The following FHL5 variants were observed in gnomAD, a reference collection of about 807,000 sequenced individuals.
FHL5 encodes four and a half LIM domains 5.
In FHL5, 33 loss-of-function variants were observed where a neutral mutation model predicts 32.0. The observed-to-expected ratio is 1.03, with a 90% CI of 0.78 to 1.38. The LOEUF (loss-of-function observed/expected upper bound fraction) is 1.38, where lower values mean the gene tolerates loss of function less well. Ranked by LOEUF, FHL5 falls within the 40% of genes most tolerant of loss-of-function variation. FHL5 has a pLI of 0.00. For synonymous variants in FHL5, 114 were observed against 113.6 expected, an observed-to-expected ratio of 1.00 and a Z score of -0.02; for missense variants, 336 against 343.9, an observed-to-expected ratio of 0.98 and a Z score of 0.18.
chr6:96,614,083 T>C (rs554586166), intron 5 of FHL5, among the ~76,000 whole-genome samples: 1 of 152,330 alleles, frequency 6.6e-6, no homozygotes, highest in African/African-American at 2.4e-5. Flanking sequence ...TTTACATACA[T>C]CTCACATGTT....
chr6:96,607,203 C>T (rs190962268), intron 4 of FHL5, among the ~76,000 whole-genome samples: 4 of 150,674 alleles, frequency 2.7e-5, no homozygotes, highest in South Asian at 4.2e-4. Context: ...CCTTGACCTG[C>T]GAGGCATCAT....
At chr6:96,592,797 C>A (rs144172689) in intron 1 of FHL5, among the ~76,000 whole-genome samples, 1 of 152,116 alleles carries the variant, frequency 6.6e-6, no homozygotes, top group Admixed American at 6.6e-5. Context: ...CCTGACTTCC[C>A]GCAACATTTT....
intron 5 of FHL5, among the ~76,000 whole-genome samples, chr6:96,612,361 AC>A (rs200715772): frequency 4.0e-4 from 61 of 152,280 alleles, no homozygotes; most frequent in African/African-American, 1.4e-3. Flanking sequence ...TTGAATTGGG[AC>A]AGAAAAAAAA....
chr6:96,579,337 T>C (rs1770651117), intron 1 of FHL5, among the ~76,000 whole-genome samples: 1 of 152,026 alleles, frequency 6.6e-6, no homozygotes, highest in African/African-American at 2.4e-5. Context: ...AATGTTACAG[T>C]ACCATTATAA....
chr6:96,595,179 A>G (rs777138322), intron 1 of FHL5, among the ~76,000 whole-genome samples: 1 of 151,758 alleles, frequency 6.6e-6, no homozygotes, highest in African/African-American at 2.4e-5. Flanking sequence ...GGTAGTAAAC[A>G]TAGCTTTTGT....
chr6:96,594,250 TATATATATATATATATA>T (rs1770986115), intron 1 of FHL5, among the ~76,000 whole-genome samples: 2 of 131,876 alleles, frequency 1.5e-5, no homozygotes, highest in East Asian at 2.2e-4. Flanking sequence ...TATATATATA[TATATATATATATATATA>T]TATATATGTA....
chr6:96,599,950 C>A (rs1771115880), intron 1 of FHL5, among the ~76,000 whole-genome samples: 1 of 152,114 alleles, frequency 6.6e-6, no homozygotes, highest in South Asian at 2.1e-4. Context: ...ATTCCTGAGA[C>A]AAAAATCACA....
rs145097750 is a variant in FHL5, at chr6:96,571,301, G to A, written c.-13+7946G>A. ...TAACTGTGGGTGCCTCATAGCCTAC[G>A]CTTAGAGGTTTGTGGCAATGGCACT... is the stretch of plus-strand genomic sequence containing the variant. On this transcript the variant is annotated intron_variant, in intron 1 of 5. Coordinates refer to ENST00000450218, the MANE Select transcript of FHL5 (RefSeq NM_001322466.2). Among the ~76,000 whole-genome samples, 498 of 152,270 alleles carry A rather than the reference G, an allele frequency of 3.3e-3. 13 individuals are homozygous for A. The highest frequency in any genetic ancestry group is 0.028 in the Admixed American group (425 of 15,302).
intron 1 of FHL5, among the ~76,000 whole-genome samples, chr6:96,580,111 T>C (rs1487779252): frequency 6.6e-6 from 1 of 152,200 alleles, no homozygotes; most frequent in African/African-American, 2.4e-5. Context: ...GAAAGGATGC[T>C]TACCACACCC....
chr6:96,587,846 C>T (rs1466629257), intron 1 of FHL5, among the ~76,000 whole-genome samples: 5 of 152,216 alleles, frequency 3.3e-5, no homozygotes, highest in Non-Finnish European at 5.9e-5. Flanking sequence ...TTACTCTCTA[C>T]AACTTGCTTG....
At chr6:96,602,413 A>C (rs1244171277) in intron 1 of FHL5, among the ~76,000 whole-genome samples, 1 of 108,794 alleles carries the variant, frequency 9.2e-6, no homozygotes, top group African/African-American at 3.4e-5. Context: ...CTGGAAATCT[A>C]TATGCGTTGT....
chr6:96,609,484 G>A (rs1253794031), intron 4 of FHL5, among the ~76,000 whole-genome samples: 1 of 152,160 alleles, frequency 6.6e-6, no homozygotes, highest in Non-Finnish European at 1.5e-5. Context: ...AGATTTCTCA[G>A]CCTTTTAAAA....
chr6:96,602,413 A>G (rs1244171277), intron 1 of FHL5, among the ~76,000 whole-genome samples: 19 of 108,846 alleles, frequency 1.7e-4, no homozygotes, highest in African/African-American at 6.5e-4. Context: ...CTGGAAATCT[A>G]TATGCGTTGT....
intron 1 of FHL5, among the ~76,000 whole-genome samples, chr6:96,574,591 A>G (rs771140433): frequency 3.9e-5 from 6 of 152,204 alleles, no homozygotes; most frequent in Non-Finnish European, 5.9e-5. Context: ...CCCTTGAGCT[A>G]CATATAGTGG....
At chr6:96,591,917 G>A (rs1336474224) in intron 1 of FHL5, among the ~76,000 whole-genome samples, 1 of 152,094 alleles carries the variant, frequency 6.6e-6, no homozygotes, top group Non-Finnish European at 1.5e-5. Context: ...TTTTATTAGG[G>A]ATTTTCAATG....
At chr6:96,602,759 C>T (rs1771181995) in intron 1 of FHL5, among the ~76,000 whole-genome samples, 1 of 152,076 alleles carries the variant, frequency 6.6e-6, no homozygotes, top group African/African-American at 2.4e-5. Flanking sequence ...ATAGCTGCTG[C>T]TATTATTTAT....
chr6:96,574,753 G>T (rs987019527), intron 1 of FHL5, among the ~76,000 whole-genome samples: 21 of 152,066 alleles, frequency 1.4e-4, no homozygotes, highest in Non-Finnish European at 2.9e-4. Flanking sequence ...ATGGTTAAGA[G>T]TCACTATTCC....
At chr6:96,562,851 A>G (rs904472544), upstream of FHL5, 1 of 152,228 alleles carries the variant, frequency 6.6e-6, no homozygotes, top group African/African-American at 2.4e-5. Flanking sequence ...CCACCAGAAA[A>G]CAAAGAAAAC....
chr6:96,605,816 C>T (rs540158142), intron 3 of FHL5, 86 bp from the exon 4 acceptor site: 23 of 1,066,076 alleles, frequency 2.2e-5, no homozygotes, highest in Admixed American at 7.7e-5. Context: ...TAACTTAAAA[C>T]GTTTTTAAGT....
Sources: allele counts gnomAD v4.1 joint callset (sites outside exome capture counted in the v4.1 genomes callset), GRCh38; gene constraint gnomAD v4.1.1; transcripts MANE v1.5; gene names NCBI Gene and HGNC (gene_info 2026-07-23, HGNC 2026-07-21).